Variants in C4orf17 observed in about 807,000 individuals in gnomAD.
The protein encoded by C4orf17 is chromosome 4 open reading frame 17, also known as uncharacterized protein C4orf17.
A neutral mutation model predicts 32.0 loss-of-function variants in C4orf17; 25 were observed. The observed-to-expected ratio is 0.78, with a 90% CI of 0.57 to 1.09. The LOEUF (loss-of-function observed/expected upper bound fraction) is 1.09, where lower values mean the gene tolerates loss of function less well. Ranked by LOEUF, C4orf17 falls within the 50% of genes least tolerant of loss-of-function variation. The pLI, the probability that C4orf17 is intolerant of heterozygous loss-of-function variation, is 0.00. For synonymous variants in C4orf17, 149 were observed against 145.8 expected (o/e 1.02, Z -0.16); for missense variants, 420 against 420.0 (o/e 1.00, Z 0.00).
chr4:99,540,615 C>T (rs1226358395), intron 8 of C4orf17, 160 bp downstream of exon 8: 2 of 546,772 alleles, frequency 3.7e-6, no homozygotes, highest in Non-Finnish European at 6.5e-6. Flanking sequence ...CTTACTTTCT[C>T]ATAAAGATAA....
intron 4 of C4orf17, among the ~76,000 whole-genome samples, chr4:99,524,971 C>A (rs1295617647): frequency 6.6e-6 from 1 of 152,144 alleles, no homozygotes; most frequent in Admixed American, 6.5e-5. Flanking sequence ...TTTAACTCAG[C>A]ATGATTATTT....
In C4orf17 at chr4:99,522,624, CT is replaced by C. The variant is rs201447915; in HGVS notation, c.253del (p.Ser85ProfsTer10). On this transcript the variant is annotated frameshift_variant, in exon 3 of 9. Transcript: ENST00000326581. LOFTEE classifies it high-confidence loss of function. The part of the protein sequence containing the change: ...RIPFANCSYP[S>X]STAVQESPVR... The stretch of plus-strand genomic sequence containing the variant: ...TACCATTTGCCAATTGCAGTTACCC[CT>C]CCAGCACTGCAGTCCAGGAGAGCCC... The C allele has an allele frequency of 3.1e-6, 5 of 1,613,806 alleles. No homozygotes were observed. The African/African-American group carries it at 5.3e-5, about 17-fold the overall frequency.
At chr4:99,512,903 TCAAG>T (rs1723119193) in intron 1 of C4orf17, 82 bp from the exon 2 acceptor site, 2 of 641,666 alleles carry the variant, frequency 3.1e-6, no homozygotes, top group Non-Finnish European at 5.2e-6. Context: ...ACAATTTAGT[TCAAG>T]CAAAGAAGAT....
intron 5 of C4orf17, among the ~76,000 whole-genome samples, chr4:99,531,017 C>T (rs1159382348): frequency 2.0e-5 from 3 of 151,996 alleles, no homozygotes; most frequent in African/African-American, 4.8e-5. Context: ...TCAGTGATCA[C>T]CTGCTCATTA....
intron 5 of C4orf17, among the ~76,000 whole-genome samples, chr4:99,535,576 C>A (rs1319788989): frequency 1.3e-5 from 2 of 152,132 alleles, no homozygotes; most frequent in African/African-American, 4.8e-5. Context: ...TGTTTTTCAG[C>A]TCCATCAGGT....
intron 4 of C4orf17, among the ~76,000 whole-genome samples, chr4:99,528,664 C>G (rs1418968304): frequency 6.6e-6 from 1 of 152,134 alleles, no homozygotes. Flanking sequence ...ACAATCATAG[C>G]AGAAGGCAAA....
intron 2 of C4orf17, among the ~76,000 whole-genome samples, chr4:99,519,729 C>T (rs1723253331): frequency 6.6e-6 from 1 of 152,120 alleles, no homozygotes; most frequent in South Asian, 2.1e-4. Context: ...ATGAGCAGGA[C>T]CTCACTAGAC....
At chr4:99,536,986 G>A (rs1009830090) in intron 5 of C4orf17, among the ~76,000 whole-genome samples, 7 of 151,998 alleles carry the variant, frequency 4.6e-5, no homozygotes. Context: ...AGAACATCAG[G>A]TCATAGGGTA....
At chr4:99,527,225 T>C (rs1723404656) in intron 4 of C4orf17, among the ~76,000 whole-genome samples, 1 of 152,224 alleles carries the variant, frequency 6.6e-6, no homozygotes, top group South Asian at 2.1e-4. Context: ...TTTATGTTAT[T>C]AATTCCAATT....
intron 3 of C4orf17, among the ~76,000 whole-genome samples, chr4:99,524,135 A>G (rs1372014362): frequency 6.6e-6 from 1 of 151,696 alleles, no homozygotes; most frequent in Non-Finnish European, 1.5e-5. Flanking sequence ...GCCCGCCACC[A>G]CGCCCGGCTA....
intron 3 of C4orf17, among the ~76,000 whole-genome samples, chr4:99,524,004 G>T (rs1185830387): frequency 7.1e-6 from 1 of 140,940 alleles, no homozygotes; most frequent in African/African-American, 2.7e-5. Flanking sequence ...TTTTGAGACG[G>T]AGTCTTGCTC....
chr4:99,522,272 G>A (rs1468793167), intron 2 of C4orf17, among the ~76,000 whole-genome samples: 2 of 152,030 alleles, frequency 1.3e-5, no homozygotes, highest in Admixed American at 1.3e-4. Context: ...CAAAATGGCC[G>A]GAGATTTTAA....
chr4:99,520,840 T>C (rs74659401), intron 2 of C4orf17, among the ~76,000 whole-genome samples: 1,747 of 152,332 alleles, frequency 0.011, 23 homozygotes, highest in South Asian at 0.03. Flanking sequence ...ATATTTTACA[T>C]ACTTAACAAA....
Position 99,529,693 on chromosome 4 carries a change from T to G in C4orf17, c.403-122T>G, listed in dbSNP as rs1723445546. 4.2e-6 allele frequency: 3 copies of G among 710,638 alleles called. No homozygotes were observed. The Middle Eastern group carries it at 8.0e-4, about 189-fold the overall frequency. The allele number at this position is 710,638 out of a possible 1,614,324, so 44.0% of individuals were successfully genotyped here. A position where few individuals can be genotyped will look rare whatever the true frequency, so the allele number is the denominator to read the frequency against. ...TGATAGCTTAAGATAAAACTAACCTTTTTTTACTTTCATGTATCTCTCTTA... is the reference window on the plus strand; with the variant it reads ...TGATAGCTTAAGATAAAACTAACCTGTTTTTACTTTCATGTATCTCTCTTA... On this transcript the variant is annotated intron_variant, in intron 4 of 8. Transcript: ENST00000326581.
chr4:99,532,859 C>A (rs1723498660), intron 5 of C4orf17, among the ~76,000 whole-genome samples: 1 of 152,098 alleles, frequency 6.6e-6, no homozygotes, highest in Non-Finnish European at 1.5e-5. Context: ...GACTTTGTAG[C>A]TCAGAGAGCC....
chr4:99,539,057 T>C (rs923247085), intron 6 of C4orf17, 106 bp from the exon 7 acceptor site: 2 of 1,037,464 alleles, frequency 1.9e-6, no homozygotes, highest in Non-Finnish European at 2.9e-6. Flanking sequence ...ATCCAGAAAA[T>C]AGATGACCAG....
intron 5 of C4orf17, 27 bp downstream of exon 5, chr4:99,529,985 A>T: frequency 6.3e-7 from 1 of 1,584,732 alleles, no homozygotes; most frequent in Non-Finnish European, 8.6e-7. Flanking sequence ...TCAAATCCAT[A>T]ACTTGGAAAC....
intron 4 of C4orf17, among the ~76,000 whole-genome samples, chr4:99,528,883 C>T (rs1723433807): frequency 6.6e-6 from 1 of 152,014 alleles, no homozygotes. Context: ...GGAGGGGACA[C>T]AGAGCCAACC....
intron 7 of C4orf17, among the ~76,000 whole-genome samples, chr4:99,540,065 AT>A (rs1723630607): frequency 6.6e-6 from 1 of 152,148 alleles, no homozygotes; most frequent in Non-Finnish European, 1.5e-5. Flanking sequence ...GGAAAAATAC[AT>A]TTTTGAAAAT....
Sources: allele counts gnomAD v4.1 joint callset (sites outside exome capture counted in the v4.1 genomes callset), GRCh38; gene constraint gnomAD v4.1.1; transcripts MANE v1.5; gene names NCBI Gene and HGNC (gene_info 2026-07-23, HGNC 2026-07-21).